DNAH5: variants seen among roughly 807,000 people sequenced by gnomAD.
The protein encoded by DNAH5 is axonemal beta dynein heavy chain 5.
A neutral mutation model predicts 518.2 loss-of-function variants in DNAH5; 372 were observed. The ratio of observed to expected loss-of-function variants is 0.72; its 90% CI spans 0.66 to 0.78. The LOEUF (loss-of-function observed/expected upper bound fraction) is 0.78, where lower values mean the gene tolerates loss of function less well. Ranked by LOEUF, DNAH5 falls within the 30% of genes least tolerant of loss-of-function variation. DNAH5 has a pLI of 0.00. For synonymous variants in DNAH5, 2,039 were observed against 2,025.9 expected, an observed-to-expected ratio of 1.01 and a Z score of -0.17; for missense variants, 5,523 against 5,687.0, an observed-to-expected ratio of 0.97 and a Z score of 0.93.
intron 70 of DNAH5, among the ~76,000 whole-genome samples, chr5:13,725,030 C>T (rs1245627918): frequency 6.6e-6 from 1 of 152,216 alleles, no homozygotes; most frequent in Non-Finnish European, 1.5e-5. Flanking sequence ...AAACCTTGGT[C>T]CATGACCCTC....
chr5:13,956,624 G>A (rs1780781355), intron 1 of DNAH5, among the ~76,000 whole-genome samples: 2 of 152,168 alleles, frequency 1.3e-5, no homozygotes, highest in African/African-American at 2.4e-5. Flanking sequence ...CTGCCCATGC[G>A]TGCCCCTAGT....
intron 1 of DNAH5, among the ~76,000 whole-genome samples, chr5:13,989,751 C>G (rs531074346): frequency 2.0e-5 from 3 of 151,954 alleles, no homozygotes; most frequent in South Asian, 4.2e-4. Context: ...CCAAAGTGCT[C>G]GGATTACAGT....
At chr5:14,004,979 G>C (rs970997813) in intron 1 of DNAH5, among the ~76,000 whole-genome samples, 2 of 152,050 alleles carry the variant, frequency 1.3e-5, no homozygotes, top group Non-Finnish European at 2.9e-5. Context: ...GAGCCACCTT[G>C]GTACTCAGCA....
At chr5:13,966,855 TTTTTTGC>T (rs1442953524) in intron 1 of DNAH5, among the ~76,000 whole-genome samples, 9 of 152,270 alleles carry the variant, frequency 5.9e-5, no homozygotes, top group South Asian at 4.1e-4. Flanking sequence ...TTGTTTTTTG[TTTTTTGC>T]TTTTTGCTTT....
rs1390773295 is a variant in DNAH5 at position 13,713,208 on chromosome 5, C to CAT, written c.13125+1195_13125+1196dup. ...ACGGACATATATATGTATATACCGA[C>CAT]ATATATATATACCGACATATATATG... On this transcript the variant is annotated intron_variant, in intron 75 of 78. Transcript: ENST00000265104. 8.4e-5 allele frequency among the ~76,000 whole-genome samples: 12 copies of CAT among 142,308 alleles called. No individual in the cohort carries two copies. In the East Asian group the frequency reaches 1.6e-3, roughly 19 times the overall value. 93.4% of individuals were successfully genotyped at this position (142,308 alleles called of 152,430 possible). A position where few individuals can be genotyped will look rare whatever the true frequency, so the allele number is the denominator to read the frequency against.
chr5:13,897,908 T>C (rs1774112552), intron 15 of DNAH5: 2 of 152,196 alleles, frequency 1.3e-5, no homozygotes, highest in African/African-American at 4.8e-5. Flanking sequence ...GAGGCTATTA[T>C]AAAGACCATG....
Position 13,810,041 on chromosome 5 carries a change from A to T in DNAH5, c.7609+18T>A, listed in dbSNP as rs1208660174. ...AACGGCCCCCATGGGTTCCGTCTGGACGGGCAGGTGTCCTCACCATCGGGC... is the reference window on the plus strand; with the variant it reads ...AACGGCCCCCATGGGTTCCGTCTGGTCGGGCAGGTGTCCTCACCATCGGGC... On this transcript the variant is annotated intron_variant, in intron 45 of 78. Coordinates refer to ENST00000265104, the MANE Select transcript of DNAH5 (RefSeq NM_001369.3). 22 of 1,550,034 alleles carry T rather than the reference A, an allele frequency of 1.4e-5. No individual in the cohort carries two copies. The highest frequency in any genetic ancestry group is 1.8e-5 in the Non-Finnish European group (21 of 1,147,066).
chr5:13,696,851 G>A (rs1369447993), intron 78 of DNAH5, among the ~76,000 whole-genome samples: 1 of 152,106 alleles, frequency 6.6e-6, no homozygotes, highest in Non-Finnish European at 1.5e-5. Flanking sequence ...TTAATACTTT[G>A]AAATTAGCCC....
chr5:13,700,499 T>G, intron 78 of DNAH5, 141 bp downstream of exon 78: 1 of 811,762 alleles, frequency 1.2e-6, no homozygotes, highest in Non-Finnish European at 2.1e-6. Flanking sequence ...AAGTCCCCAT[T>G]AAACATGGGT....
chr5:13,941,065 C>A (rs1047288439), intron 1 of DNAH5, among the ~76,000 whole-genome samples: 1 of 37,500 alleles, frequency 2.7e-5, no homozygotes. Flanking sequence ...TGGGCCTTTA[C>A]AAGCAGCACT....
chr5:13,741,608 C>T (rs1168962062), intron 65 of DNAH5, among the ~76,000 whole-genome samples: 1 of 152,160 alleles, frequency 6.6e-6, no homozygotes, highest in Non-Finnish European at 1.5e-5. Flanking sequence ...AAAGCCCTCA[C>T]ATTACGGTTG....
At chr5:13,866,831 A>T (rs149087846) in intron 25 of DNAH5, among the ~76,000 whole-genome samples, 1 of 152,288 alleles carries the variant, frequency 6.6e-6, no homozygotes, top group African/African-American at 2.4e-5. Context: ...TTTTACCCTA[A>T]ACTCTATATA....
intron 1 of DNAH5, among the ~76,000 whole-genome samples, chr5:14,007,790 A>C (rs1030838695): frequency 6.6e-6 from 1 of 152,230 alleles, no homozygotes; most frequent in Non-Finnish European, 1.5e-5. Context: ...TCACAAAAAA[A>C]GAGGGGAAGC....
intron 3 of DNAH5, among the ~76,000 whole-genome samples, chr5:13,925,166 G>A (rs1580919086): frequency 6.6e-6 from 1 of 152,108 alleles, no homozygotes; most frequent in Non-Finnish European, 1.5e-5. Flanking sequence ...ATTCAAAATT[G>A]CATCCCGCTC....
At chr5:13,758,729 T>C (rs1457960767) in intron 61 of DNAH5, 117 bp downstream of exon 61, 1 of 1,436,690 alleles carries the variant, frequency 7.0e-7, no homozygotes, top group Admixed American at 1.7e-5. Flanking sequence ...TTGGTGTCCA[T>C]TATGTGCTAT....
chr5:13,876,920 ATCT>A (rs1770978869), intron 21 of DNAH5, 103 bp from the exon 22 acceptor site: 1 of 1,169,212 alleles, frequency 8.6e-7, no homozygotes, highest in African/African-American at 1.6e-5. Context: ...ACTTCTGAAA[ATCT>A]TCTCCTTTAT....
At position 13,911,494 on chromosome 5, in the gene DNAH5, C is replaced by T. The variant is rs1775988246; in HGVS notation, c.1537-1G>A. 6.2e-7 allele frequency: 1 copy of T among 1,606,922 alleles called. No individual in the cohort carries two copies. Among genetic ancestry groups the T allele is most frequent in the African/African-American group, 1.3e-5 (1 of 74,768 alleles). On this transcript the variant is annotated splice_acceptor_variant, in intron 11 of 78. Transcript: ENST00000265104. LOFTEE classifies it high-confidence loss of function. ...TTTTCTTTATGGTTGCCACAATGCC[C>T]TGAAATATTATGAGATAAATTAGAT... is the stretch of plus-strand genomic sequence containing the variant.
chr5:13,888,716 G>A (rs973144558), intron 17 of DNAH5, among the ~76,000 whole-genome samples: 13 of 152,208 alleles, frequency 8.5e-5, no homozygotes, highest in African/African-American at 3.1e-4. Flanking sequence ...GGCATTGTAA[G>A]CTGATAATAT....
chr5:14,003,886 A>C (rs1263714957), intron 1 of DNAH5, among the ~76,000 whole-genome samples: 1 of 146,822 alleles, frequency 6.8e-6, no homozygotes, highest in Non-Finnish European at 1.5e-5. Flanking sequence ...GATTACACAA[A>C]GAGAGAGAGG....
Sources: gnomAD v4.1 joint callset for allele counts (sites outside exome capture counted in the v4.1 genomes callset) on GRCh38, gnomAD v4.1.1 for gene constraint, MANE v1.5 for transcripts, NCBI Gene and HGNC (gene_info 2026-07-23, HGNC 2026-07-21) for gene names.